SUCLG2: variants seen among roughly 807,000 people sequenced by gnomAD.
SUCLG2 encodes succinate-CoA ligase GDP-forming subunit beta.
Under a neutral mutation model 47.9 loss-of-function variants are expected in SUCLG2, and 42 were observed. The observed-to-expected ratio is 0.88, with a 90% CI of 0.69 to 1.14. The LOEUF is 1.14. Among genes scored for constraint, SUCLG2 ranks in the 50% most tolerant of loss-of-function variants. The pLI, the probability that SUCLG2 is intolerant of heterozygous loss-of-function variation, is 0.00. For synonymous variants in SUCLG2, 195 were observed against 197.3 expected (o/e 0.99, Z 0.10); for missense variants, 571 against 525.9 (o/e 1.09, Z -0.84).
chr3:67,406,392 A>G (rs1702809522), intron 9 of SUCLG2, among the ~76,000 whole-genome samples: 1 of 152,152 alleles, frequency 6.6e-6, no homozygotes, highest in Non-Finnish European at 1.5e-5. Context: ...CCACGATAAT[A>G]GTTATGAAGG....
Position 67,639,633 on chromosome 3 carries a change from A to G in SUCLG2, c.84+14870T>C, listed in dbSNP as rs74515445. Among the ~76,000 whole-genome samples the G allele has an allele frequency of 3.1e-3, 475 of 152,206 alleles. 3 individuals carry two copies. The highest frequency in any genetic ancestry group is 0.011 in the African/African-American group (460 of 41,490). ...TACTTCAACTCTCTTGCCCCTAACT[A>G]CAACTCTGAGGTGTAACCTACACAG... is the stretch of plus-strand genomic sequence containing the variant. On this transcript the variant is annotated intron_variant, in intron 1 of 10. Coordinates refer to ENST00000307227, the MANE Select transcript of SUCLG2 (RefSeq NM_003848.4).
chr3:67,368,693 C>T (rs1260437222), intron 10 of SUCLG2, among the ~76,000 whole-genome samples: 4 of 152,128 alleles, frequency 2.6e-5, no homozygotes, highest in African/African-American at 9.7e-5. Context: ...GAAACCTCCA[C>T]CTCCTGGGTT....
At chr3:67,619,923 G>A (rs1700704248) in intron 1 of SUCLG2, among the ~76,000 whole-genome samples, 1 of 152,118 alleles carries the variant, frequency 6.6e-6, no homozygotes, top group Non-Finnish European at 1.5e-5. Flanking sequence ...GTTCCCTCCT[G>A]GAGAGTATGC....
chr3:67,497,427 T>C (rs1201925236), intron 8 of SUCLG2, among the ~76,000 whole-genome samples: 2 of 152,184 alleles, frequency 1.3e-5, no homozygotes, highest in Admixed American at 6.5e-5. Context: ...ATAGAAACTG[T>C]ATTGCTTCTA....
At chr3:67,379,928 C>G (rs1204054745) in intron 10 of SUCLG2, among the ~76,000 whole-genome samples, 1 of 152,214 alleles carries the variant, frequency 6.6e-6, no homozygotes, top group Non-Finnish European at 1.5e-5. Context: ...CCCTCGTCCC[C>G]TCTAAACATC....
chr3:67,580,259 A>C (rs1439532342), intron 2 of SUCLG2, among the ~76,000 whole-genome samples: 1 of 152,116 alleles, frequency 6.6e-6, no homozygotes, highest in East Asian at 1.9e-4. Context: ...TGATATATAT[A>C]TTTCATTCAT....
chr3:67,618,751 GA>G (rs774096110), intron 1 of SUCLG2, among the ~76,000 whole-genome samples: 4 of 152,168 alleles, frequency 2.6e-5, no homozygotes, highest in Non-Finnish European at 5.9e-5. Context: ...TTTAAAGTAT[GA>G]ACAAATAAAG....
intron 2 of SUCLG2, among the ~76,000 whole-genome samples, chr3:67,563,182 G>A (rs1707353634): frequency 1.3e-5 from 2 of 151,476 alleles, no homozygotes; most frequent in African/African-American, 2.4e-5. Context: ...CACAGAATCT[G>A]ACTGGAAAAT....
chr3:67,577,166 G>C (rs760537464), intron 2 of SUCLG2, among the ~76,000 whole-genome samples: 1 of 152,238 alleles, frequency 6.6e-6, no homozygotes, highest in Admixed American at 6.5e-5. Flanking sequence ...AAAAAAATTA[G>C]ACAAGCATGG....
At chr3:67,440,513 A>C (rs1331677615) in intron 9 of SUCLG2, among the ~76,000 whole-genome samples, 1 of 152,234 alleles carries the variant, frequency 6.6e-6, no homozygotes, top group Non-Finnish European at 1.5e-5. Context: ...CAGAATCTAC[A>C]AAGAACTTAA....
chr3:67,556,957 C>T (rs1054333906), intron 2 of SUCLG2, among the ~76,000 whole-genome samples: 1 of 152,122 alleles, frequency 6.6e-6, no homozygotes, highest in South Asian at 2.1e-4. Context: ...TAACATAAAT[C>T]GTAAAGTAGA....
At chr3:67,377,482 G>GT (rs11412092) in intron 10 of SUCLG2, among the ~76,000 whole-genome samples, 77,335 of 151,970 alleles carry the variant, frequency 0.51, 19,825 homozygotes, top group Middle Eastern at 0.6. Context: ...CATTTCCCAG[G>GT]CCCCCCTGCA....
At chr3:67,580,910 T>C (rs1408171015) in intron 2 of SUCLG2, among the ~76,000 whole-genome samples, 11 of 152,194 alleles carry the variant, frequency 7.2e-5, no homozygotes, top group Non-Finnish European at 1.5e-4. Flanking sequence ...GGGGAAAACA[T>C]GCAATCATCC....
intron 2 of SUCLG2, among the ~76,000 whole-genome samples, chr3:67,591,903 T>C (rs943492769): frequency 3.9e-5 from 6 of 152,224 alleles, no homozygotes; most frequent in Non-Finnish European, 5.9e-5. Flanking sequence ...AGTTCTACCT[T>C]GTCTCTCAAG....
At chr3:67,548,905 C>T (rs1378078102) in intron 2 of SUCLG2, among the ~76,000 whole-genome samples, 1 of 152,154 alleles carries the variant, frequency 6.6e-6, no homozygotes, top group Non-Finnish European at 1.5e-5. Flanking sequence ...AATCAGCTTC[C>T]CCCATTACCA....
intron 9 of SUCLG2, among the ~76,000 whole-genome samples, chr3:67,450,786 C>G (rs1000435167): frequency 5.9e-5 from 9 of 152,200 alleles, no homozygotes; most frequent in Non-Finnish European, 4.4e-5. Context: ...AGGCCTTGGC[C>G]CATCCCAGAA....
At chr3:67,541,969 A>G (rs1706726040) in intron 2 of SUCLG2, among the ~76,000 whole-genome samples, 1 of 151,948 alleles carries the variant, frequency 6.6e-6, no homozygotes, top group Non-Finnish European at 1.5e-5. Context: ...CCTGGGTTCA[A>G]GCAGTTCTCC....
At chr3:67,534,543 C>T (rs1706486689) in intron 2 of SUCLG2, among the ~76,000 whole-genome samples, 1 of 151,530 alleles carries the variant, frequency 6.6e-6, no homozygotes, top group Admixed American at 6.6e-5. Flanking sequence ...GCTTTCATAA[C>T]CGTTAATACA....
At chr3:67,535,000 T>A (rs1474390013) in intron 2 of SUCLG2, among the ~76,000 whole-genome samples, 2 of 152,040 alleles carry the variant, frequency 1.3e-5, no homozygotes, top group Non-Finnish European at 2.9e-5. Context: ...GACAAAGCAA[T>A]CCTATTATGA....
Sources: gnomAD v4.1 joint callset for allele counts (sites outside exome capture counted in the v4.1 genomes callset) on GRCh38, gnomAD v4.1.1 for gene constraint, MANE v1.5 for transcripts, NCBI Gene and HGNC (gene_info 2026-07-23, HGNC 2026-07-21) for gene names.